UCK2: variants seen among roughly 807,000 people sequenced by gnomAD.
UCK2 encodes the protein cytidine monophosphokinase 2.
UCK2 carries 6 observed loss-of-function variants against 30.8 expected under a neutral mutation model. That is an observed-to-expected ratio of 0.19 (90% CI 0.11 to 0.38). UCK2 has a LOEUF of 0.38. UCK2 is among the 10% of genes least tolerant of loss of function. The pLI, the probability that UCK2 is intolerant of heterozygous loss-of-function variation, is 1.00. For synonymous variants in UCK2, 125 were observed against 133.6 expected (o/e 0.94, Z 0.45); for missense variants, 210 against 339.8 (o/e 0.62, Z 3.00).
In UCK2 at chr1:165,855,515, T is replaced by C. The variant is rs539115054; in HGVS notation, c.99+27583T>C. ...ACTTCCCAGTTTTTTCTTTTCTTTT[T>C]TTTTTTTTTTTTTCTTGCAAGCTCC... On this transcript the variant is annotated intron_variant, in intron 1 of 6. Transcript: ENST00000367879. Among the ~76,000 whole-genome samples, 67 of 151,148 alleles carry C rather than the reference T, an allele frequency of 4.4e-4. No individual in the cohort carries two copies. In the South Asian group the frequency reaches 8.3e-3, roughly 19 times the overall value.
At chr1:165,895,079 C>T (rs185126274) in intron 3 of UCK2, among the ~76,000 whole-genome samples, 12 of 152,292 alleles carry the variant, frequency 7.9e-5, no homozygotes, top group African/African-American at 1.9e-4. Flanking sequence ...GACAGCCCGT[C>T]GCCTAACCGT....
intron 4 of UCK2, among the ~76,000 whole-genome samples, chr1:165,898,835 C>T (rs1359506454): frequency 6.6e-6 from 1 of 152,228 alleles, no homozygotes; most frequent in Non-Finnish European, 1.5e-5. Flanking sequence ...TGCCTCTCCG[C>T]CTTCTCTGAA....
chr1:165,858,178 A>C (rs568172001), intron 1 of UCK2, among the ~76,000 whole-genome samples: 6 of 152,358 alleles, frequency 3.9e-5, no homozygotes, highest in African/African-American at 1.4e-4. Flanking sequence ...GATGCATCTT[A>C]AAGATTGATA....
At position 165,909,597 on chromosome 1, in the gene UCK2, G is replaced by T. The variant is rs1647783763; in HGVS notation, c.*1774G>T. The T allele has an allele frequency of 2.0e-5, 3 of 152,198 alleles. No homozygotes were observed. Among genetic ancestry groups the T allele is most frequent in the African/African-American group, 7.2e-5 (3 of 41,438 alleles). The allele number at this position is 152,198 out of a possible 1,614,324, so 9.4% of individuals were successfully genotyped here. On this transcript the variant is annotated 3_prime_UTR_variant, in exon 7 of 7. Coordinates refer to ENST00000367879, the MANE Select transcript of UCK2 (RefSeq NM_012474.5). Reference sequence around the variant, plus strand: ...GAGCTTGCCACCCGGAGACTTTCAGGAGACCGTGCAGGCTCTGAAGGGAGC... The same window carrying T: ...GAGCTTGCCACCCGGAGACTTTCAGTAGACCGTGCAGGCTCTGAAGGGAGC...
At chr1:165,869,026 G>C (rs187731019) in intron 1 of UCK2, among the ~76,000 whole-genome samples, 2 of 152,218 alleles carry the variant, frequency 1.3e-5, no homozygotes, top group Admixed American at 1.3e-4. Context: ...TTGTTCTGTC[G>C]CAGGAAATCA....
At chr1:165,890,417 A>T in intron 2 of UCK2, 54 bp downstream of exon 2, 1 of 1,574,352 alleles carries the variant, frequency 6.4e-7, no homozygotes, top group Non-Finnish European at 8.7e-7. Flanking sequence ...TGGGGGGAAT[A>T]GTTTTATTTT....
chr1:165,866,831 A>G (rs1023776874), intron 1 of UCK2, among the ~76,000 whole-genome samples: 2 of 152,180 alleles, frequency 1.3e-5, no homozygotes, highest in East Asian at 3.8e-4. Context: ...ACTGTATTGT[A>G]TGTCAGAATT....
At chr1:165,851,217 T>C (rs1027071477) in intron 1 of UCK2, among the ~76,000 whole-genome samples, 1 of 152,166 alleles carries the variant, frequency 6.6e-6, no homozygotes, top group Admixed American at 6.5e-5. Context: ...GGGGCAGCAG[T>C]AGTGAGAAAG....
chr1:165,836,036 C>G (rs1654180251), intron 1 of UCK2, among the ~76,000 whole-genome samples: 2 of 152,164 alleles, frequency 1.3e-5, no homozygotes, highest in Non-Finnish European at 2.9e-5. Flanking sequence ...CAAGACCAGC[C>G]TGGCCAACAT....
intron 3 of UCK2, chr1:165,892,645 G>C (rs1202882550): frequency 6.6e-6 from 1 of 152,218 alleles, no homozygotes; most frequent in Non-Finnish European, 1.5e-5. Context: ...AGTGGTGGTG[G>C]TGTCACGTTG....
intron 4 of UCK2, among the ~76,000 whole-genome samples, chr1:165,897,652 C>T (rs6661905): frequency 0.25 from 37,310 of 152,024 alleles, 5,010 homozygotes; most frequent in South Asian, 0.42. Context: ...GTAATTTTCT[C>T]TTTTCGGTTC....
At chr1:165,906,592 C>T (rs527992666) in intron 6 of UCK2, among the ~76,000 whole-genome samples, 1 of 152,286 alleles carries the variant, frequency 6.6e-6, no homozygotes, top group South Asian at 2.1e-4. Context: ...TGGTCTAAAA[C>T]TCCTACCTCA....
At chr1:165,867,486 G>A (rs1198760247) in intron 1 of UCK2, among the ~76,000 whole-genome samples, 1 of 152,142 alleles carries the variant, frequency 6.6e-6, no homozygotes, top group Non-Finnish European at 1.5e-5. Flanking sequence ...ATTAAAGTCA[G>A]TCCTCTTAAA....
intron 1 of UCK2, among the ~76,000 whole-genome samples, chr1:165,886,086 T>C (rs1655606534): frequency 6.6e-6 from 1 of 152,152 alleles, no homozygotes; most frequent in African/African-American, 2.4e-5. Context: ...TAACTTTCCG[T>C]TTCTATGAAT....
rs1295604746 is a variant in UCK2, at chr1:165,860,199, C to T, written c.100-30005C>T. ...TTGTTTTCAGGCTGTGTTGATCACA[C>T]CTGCCTGCTGCCTTTCAGGATCACC... On this transcript the variant is annotated intron_variant, in intron 1 of 6. Coordinates refer to ENST00000367879, the MANE Select transcript of UCK2 (RefSeq NM_012474.5). 2.0e-5 allele frequency among the ~76,000 whole-genome samples: 3 copies of T among 152,178 alleles called. No homozygotes were observed. The East Asian group carries it at 5.8e-4, about 29-fold the overall frequency.
intron 1 of UCK2, among the ~76,000 whole-genome samples, chr1:165,889,226 G>T (rs531275905): frequency 6.6e-6 from 1 of 152,230 alleles, no homozygotes; most frequent in Non-Finnish European, 1.5e-5. Flanking sequence ...TGAAGTCATG[G>T]CTGTGGACTG....
At chr1:165,899,700 G>A (rs538419053) in intron 4 of UCK2, among the ~76,000 whole-genome samples, 1 of 152,202 alleles carries the variant, frequency 6.6e-6, no homozygotes, top group African/African-American at 2.4e-5. Flanking sequence ...GAGCAGTGAT[G>A]GAGGGGCTGG....
Position 165,863,578 on chromosome 1 carries a change from G to T in UCK2, c.100-26626G>T, listed in dbSNP as rs1654973837. 3.9e-5 allele frequency among the ~76,000 whole-genome samples: 6 copies of T among 152,224 alleles called. No homozygotes were observed. In the South Asian group the frequency reaches 1.2e-3, roughly 32 times the overall value. ...TTTGATGGCAGTGTGTTTGTAAGTT[G>T]GGGACTGCCTGTAGGGCATTTTGTA... On this transcript the variant is annotated intron_variant, in intron 1 of 6. Transcript: ENST00000367879.
intron 1 of UCK2, among the ~76,000 whole-genome samples, chr1:165,832,753 C>A (rs569279796): frequency 1.3e-3 from 192 of 152,124 alleles, no homozygotes; most frequent in Admixed American, 4.8e-3. Context: ...ACCACAATGT[C>A]CGGCTAATTT....
Sources: gnomAD v4.1 joint callset for allele counts (sites outside exome capture counted in the v4.1 genomes callset) on GRCh38, gnomAD v4.1.1 for gene constraint, MANE v1.5 for transcripts, NCBI Gene and HGNC (gene_info 2026-07-23, HGNC 2026-07-21) for gene names.